The following TMEM59 variants were observed in gnomAD, a reference collection of about 807,000 sequenced individuals.
TMEM59 encodes dendritic cell factor 1.
In TMEM59, 44 loss-of-function variants were observed where a neutral mutation model predicts 42.2. That is an observed-to-expected ratio of 1.04 (90% CI 0.82 to 1.34). TMEM59 has a LOEUF of 1.34. Among genes scored for constraint, TMEM59 ranks in the 40% most tolerant of loss-of-function variants. The probability of loss-of-function intolerance (pLI) is 0.00; values close to 1 mark genes in which losing one functional copy is unlikely to be tolerated. For missense variants in TMEM59, 359 were observed against 382.8 expected (o/e 0.94, Z 0.52); for synonymous variants, 148 against 145.8 (o/e 1.02, Z -0.11).
intron 6 of TMEM59, among the ~76,000 whole-genome samples, chr1:54,037,233 T>C (rs781268733): frequency 6.6e-6 from 1 of 152,260 alleles, no homozygotes; most frequent in Non-Finnish European, 1.5e-5. Flanking sequence ...AATTTACTTA[T>C]ACTTCAATTT....
chr1:54,041,592 A>G (rs1557676711), intron 5 of TMEM59, 132 bp downstream of exon 5: 1 of 678,614 alleles, frequency 1.5e-6, no homozygotes, highest in Admixed American at 3.0e-5. Flanking sequence ...AATACACATG[A>G]AAGTTTGAGA....
chr1:54,030,043 C>T lies in TMEM59; in HGVS notation c.*2107G>A, dbSNP rs1656715019. On this transcript the variant is annotated 3_prime_UTR_variant, in exon 8 of 8. Coordinates refer to ENST00000234831, the MANE Select transcript of TMEM59 (RefSeq NM_004872.5). Reference sequence around the variant, plus strand: ...TTGTCTAAACTTGGATCAATACTTTCAAGAGAAATGAAGGTATCTCAGGCA... The same window carrying T: ...TTGTCTAAACTTGGATCAATACTTTTAAGAGAAATGAAGGTATCTCAGGCA... The T allele has an allele frequency of 6.6e-6, 1 of 151,668 alleles. No individual in the cohort carries two copies. The highest frequency in any genetic ancestry group is 2.4e-5 in the African/African-American group (1 of 41,236). The allele number at this position is 151,668 out of a possible 1,614,324, so 9.4% of individuals were successfully genotyped here. A position where few individuals can be genotyped will look rare whatever the true frequency, so the allele number is the denominator to read the frequency against.
intron 2 of TMEM59, 111 bp from the exon 3 acceptor site, chr1:54,045,897 A>G: frequency 3.2e-6 from 3 of 929,162 alleles, no homozygotes; most frequent in Non-Finnish European, 4.7e-6. Flanking sequence ...AGGTTTCATC[A>G]ATGTGAATTT....
chr1:54,041,848 A>G, intron 4 of TMEM59, 43 bp from the exon 5 acceptor site: 1 of 1,475,280 alleles, frequency 6.8e-7, no homozygotes, highest in Non-Finnish European at 9.4e-7. Context: ...GTACTTCTTT[A>G]GCTTTTTTCA....
chr1:54,053,464 G>A (rs1264418760), upstream of TMEM59: 1 of 473,806 alleles, frequency 2.1e-6, no homozygotes, highest in Non-Finnish European at 3.8e-6. Context: ...TCGCGGGGCA[G>A]GCTGGGGCAT....
rs2100285001 is a variant in TMEM59 at position 54,027,904 on chromosome 1, CAGA to C, written c.*4243_*4245del. 1 of 152,292 alleles carries C rather than the reference CAGA, an allele frequency of 6.6e-6. No individual in the cohort carries two copies. Among genetic ancestry groups the C allele is most frequent in the East Asian group, 1.9e-4 (1 of 5,188 alleles). 9.4% of individuals were successfully genotyped at this position (152,292 alleles called of 1,614,324 possible). On this transcript the variant is annotated 3_prime_UTR_variant, in exon 8 of 8. Transcript: ENST00000234831. ...CCACACTACCATCCAGCTTCCTAAA[CAGA>C]AGACTAAATTTCCCGCTATCCCTGT... is the stretch of plus-strand genomic sequence containing the variant.
At chr1:54,045,249 A>AAGGGGGGGTTGTTTG (rs1657290594) in intron 3 of TMEM59, among the ~76,000 whole-genome samples, 1 of 152,216 alleles carries the variant, frequency 6.6e-6, no homozygotes, top group African/African-American at 2.4e-5. Context: ...TAGAAAAAAA[A>AAGGGGGGGTTGTTTG]ATCTGGACAC....
chr1:54,038,849 T>TAA (rs112888342), intron 6 of TMEM59, among the ~76,000 whole-genome samples: 1 of 152,052 alleles, frequency 6.6e-6, no homozygotes, highest in African/African-American at 2.4e-5. Context: ...AAAGAACACT[T>TAA]AAAAAAATAA....
chr1:54,042,756 T>C (rs1657182203), intron 4 of TMEM59, among the ~76,000 whole-genome samples: 1 of 152,172 alleles, frequency 6.6e-6, no homozygotes, highest in Non-Finnish European at 1.5e-5. Context: ...TTCTGTTACT[T>C]ATTGGCCGTG....
intron 7 of TMEM59, 39 bp downstream of exon 7, chr1:54,036,571 C>A: frequency 6.8e-7 from 1 of 1,461,664 alleles, no homozygotes. Flanking sequence ...AATGATATAT[C>A]ACAGGGCTCA....
intron 6 of TMEM59, among the ~76,000 whole-genome samples, chr1:54,039,517 C>T (rs889615234): frequency 1.3e-5 from 2 of 152,200 alleles, no homozygotes; most frequent in African/African-American, 4.8e-5. Flanking sequence ...AAAGTTTAAT[C>T]CTTGTTTTCT....
chr1:54,037,890 CA>C (rs1212794188), intron 6 of TMEM59, among the ~76,000 whole-genome samples: 1 of 152,160 alleles, frequency 6.6e-6, no homozygotes, highest in Admixed American at 6.5e-5. Flanking sequence ...GAATTTACCA[CA>C]AAATGAGGAT....
Position 54,027,448 on chromosome 1 carries a change from C to G in TMEM59, c.*4702G>C, listed in dbSNP as rs1354656607. ...ACAAAAAAGTTTGAAACAAATAAGT[C>G]ATTAATATCACAGGAAGAGAGTACT... On this transcript the variant is annotated 3_prime_UTR_variant, in exon 8 of 8. Coordinates refer to ENST00000234831, the MANE Select transcript of TMEM59 (RefSeq NM_004872.5). 6.6e-6 allele frequency: 1 copy of G among 152,038 alleles called. No homozygotes were observed. The highest frequency in any genetic ancestry group is 1.5e-5 in the Non-Finnish European group (1 of 68,024). 9.4% of individuals were successfully genotyped at this position (152,038 alleles called of 1,614,324 possible).
chr1:54,040,969 T>A, intron 5 of TMEM59, 132 bp from the exon 6 acceptor site: 3 of 666,110 alleles, frequency 4.5e-6, no homozygotes, highest in South Asian at 1.9e-5. Flanking sequence ...CATTTTATAA[T>A]GTGTACCAGT....
At chr1:54,052,211 G>C (rs1423755181) in intron 1 of TMEM59, among the ~76,000 whole-genome samples, 5 of 152,140 alleles carry the variant, frequency 3.3e-5, no homozygotes, top group Non-Finnish European at 5.9e-5. Context: ...GAGTTCTTAG[G>C]CTGAAAAACC....
chr1:54,028,468 AG>A lies in TMEM59; in HGVS notation c.*3681del, dbSNP rs1656669008. On this transcript the variant is annotated 3_prime_UTR_variant, in exon 8 of 8. Coordinates refer to ENST00000234831, the MANE Select transcript of TMEM59 (RefSeq NM_004872.5). Reference sequence around the variant, plus strand: ...CTTTCAGTGGCTCTCTACTGTGCTCAGGATCAAGTGCAGGTTTAAAGTGCAG... The same window carrying A: ...CTTTCAGTGGCTCTCTACTGTGCTCAGATCAAGTGCAGGTTTAAAGTGCAG... The A allele has an allele frequency of 1.3e-5, 2 of 152,208 alleles. No individual in the cohort carries two copies. The highest frequency in any genetic ancestry group is 4.8e-5 in the African/African-American group (2 of 41,432). 9.4% of individuals were successfully genotyped at this position (152,208 alleles called of 1,614,324 possible).
chr1:54,037,023 C>T (rs1260780030), intron 6 of TMEM59, among the ~76,000 whole-genome samples: 1 of 152,044 alleles, frequency 6.6e-6, no homozygotes, highest in East Asian at 1.9e-4. Context: ...TGAAAGTGTC[C>T]TGTAAATTGT....
chr1:54,047,189 C>T, intron 2 of TMEM59, 78 bp downstream of exon 2: 1 of 1,215,700 alleles, frequency 8.2e-7, no homozygotes, highest in Non-Finnish European at 1.2e-6. Context: ...TTTCCATTTC[C>T]TAAAGAAAAT....
intron 6 of TMEM59, among the ~76,000 whole-genome samples, chr1:54,039,681 T>C (rs1035588745): frequency 6.6e-6 from 1 of 152,200 alleles, no homozygotes. Context: ...ATACTTGAGA[T>C]AGAACAGTCC....
Sources: gnomAD v4.1 joint callset for allele counts (sites outside exome capture counted in the v4.1 genomes callset) on GRCh38, gnomAD v4.1.1 for gene constraint, MANE v1.5 for transcripts, NCBI Gene and HGNC (gene_info 2026-07-23, HGNC 2026-07-21) for gene names.